The following ZNF670 variants were observed in gnomAD, a reference collection of about 807,000 sequenced individuals.
The protein encoded by ZNF670 is zinc finger protein 670.
In ZNF670, 7 loss-of-function variants were observed where a neutral mutation model predicts 10.9. The observed-to-expected ratio is 0.64, with a 90% CI of 0.36 to 1.20. ZNF670 has a LOEUF of 1.20. Among genes scored for constraint, ZNF670 ranks in the 50% most tolerant of loss-of-function variants. The pLI is 0.02. For missense variants in ZNF670, 446 were observed against 458.6 expected, an observed-to-expected ratio of 0.97 and a Z score of 0.25; for synonymous variants, 136 against 152.7, an observed-to-expected ratio of 0.89 and a Z score of 0.81.
chr1:247,042,854 C>T, intron 1 of ZNF670: 1 of 594,444 alleles, frequency 1.7e-6, no homozygotes, highest in Non-Finnish European at 3.1e-6. Flanking sequence ...GAGGCTCTTT[C>T]CCTATTCTCT....
In ZNF670 at chr1:247,037,341, T is replaced by C; in HGVS notation, c.*108A>G. The C allele has an allele frequency of 7.5e-7, 1 of 1,339,768 alleles. No individual in the cohort carries two copies. The allele number at this position is 1,339,768 out of a possible 1,614,324, so 83.0% of individuals were successfully genotyped here. A position where few individuals can be genotyped will look rare whatever the true frequency, so the allele number is the denominator to read the frequency against. On this transcript the variant is annotated 3_prime_UTR_variant, in exon 4 of 4. Coordinates refer to ENST00000366503, the MANE Select transcript of ZNF670 (RefSeq NM_033213.5). ...ATCTTCCTTACATGTGTTGGGTTTC[T>C]CTCTAATTTGAGTTTTTAATTTTTT...
chr1:247,038,073 A>C lies in ZNF670; in HGVS notation c.546T>G (p.Ser182Arg). 1.2e-6 allele frequency: 2 copies of C among 1,614,198 alleles called. No homozygotes were observed. The highest frequency in any genetic ancestry group is 1.7e-6 in the Non-Finnish European group (2 of 1,180,020). Reference sequence around the variant, plus strand: ...AAGTGCTCTGAGGCATTTGAAATACACTAGGAAAATCAAAAGGCTTCTCAT... The same window carrying C: ...AAGTGCTCTGAGGCATTTGAAATACCCTAGGAAAATCAAAAGGCTTCTCAT... ...PVYEKPFDFP[S>R]VFQMPQSTYT... The change falls in exon 4 of 4, where the codon AGT becomes AGG. Residue 182 changes from serine to arginine, a missense_variant. Physicochemically the swap from Ser to Arg is moderately radical, Grantham distance 110 (BLOSUM62 -1). Transcript: ENST00000366503.
intron 1 of ZNF670, among the ~76,000 whole-genome samples, chr1:247,040,736 G>A (rs139560463): frequency 2.0e-5 from 3 of 151,652 alleles, no homozygotes; most frequent in Admixed American, 6.6e-5. Context: ...CTTGTTGCCC[G>A]GGCTGGAGTG....
intron 1 of ZNF670, among the ~76,000 whole-genome samples, chr1:247,070,627 A>G (rs1013770225): frequency 6.6e-6 from 1 of 152,220 alleles, no homozygotes; most frequent in South Asian, 2.1e-4. Flanking sequence ...ACAAAAATAA[A>G]TAAGTGGGAC....
chr1:247,042,801 C>G, intron 1 of ZNF670: 1 of 495,986 alleles, frequency 2.0e-6, no homozygotes, highest in Non-Finnish European at 3.7e-6. Context: ...ATGAAAATGT[C>G]TGACCCCACC....
Position 247,037,999 on chromosome 1 carries a change from T to C in ZNF670, c.620A>G (p.Asn207Ser), listed in dbSNP as rs371336738. ...YKCKHCDKAFNYSSYLREHER... is the reference protein window; with the variant it reads ...YKCKHCDKAFSYSSYLREHER... ...ATGTTCACGAAGATAACTTGAATAA[T>C]TGAAGGCTTTATCACAATGTTTACA... The change falls in exon 4 of 4, where the codon AAT becomes AGT. Residue 207 changes from asparagine (N) to serine (S), a missense_variant. By Grantham distance (46) the Asn-to-Ser change is conservative. Transcript: ENST00000366503. The C allele has an allele frequency of 6.3e-5, 102 of 1,613,656 alleles. No individual in the cohort carries two copies. The highest frequency in any genetic ancestry group is 8.1e-5 in the Non-Finnish European group (95 of 1,179,798).
intron 1 of ZNF670, among the ~76,000 whole-genome samples, chr1:247,072,800 G>GATA (rs1671156681): frequency 4.8e-5 from 1 of 20,968 alleles, no homozygotes; most frequent in Non-Finnish European, 8.2e-5. Context: ...AAAAAAAAGT[G>GATA]TGTGTATATA....
rs1572554146 is a variant in ZNF670 at position 247,038,494 on chromosome 1, G to A, written c.192-67C>T. 9 of 1,458,812 alleles carry A rather than the reference G, an allele frequency of 6.2e-6. No individual in the cohort carries two copies. The East Asian group carries it at 9.2e-5, about 15-fold the overall frequency. The allele number at this position is 1,458,812 out of a possible 1,614,324, so 90.4% of individuals were successfully genotyped here. A position where few individuals can be genotyped will look rare whatever the true frequency, so the allele number is the denominator to read the frequency against. ...GGTTTACATTGCTACTAATACCATG[G>A]AAAATGCAAGTTTCCTGCCATATCT... is the stretch of plus-strand genomic sequence containing the variant. On this transcript the variant is annotated intron_variant, in intron 3 of 3. Transcript: ENST00000366503.
At chr1:247,061,183 A>ATTT (rs778969843) in intron 1 of ZNF670, among the ~76,000 whole-genome samples, 4,190 of 144,142 alleles carry the variant, frequency 0.029, 219 homozygotes, top group African/African-American at 0.1. Flanking sequence ...TTAAAAGTAA[A>ATTT]TTTTTTTTTT....
chr1:247,069,002 G>C (rs920528464), intron 1 of ZNF670, among the ~76,000 whole-genome samples: 2 of 150,602 alleles, frequency 1.3e-5, no homozygotes, highest in Admixed American at 6.6e-5. Flanking sequence ...TGGGCATAGA[G>C]AGTCGAAGGA....
At chr1:247,078,501 C>A in intron 1 of ZNF670, 93 bp downstream of exon 1, 1 of 1,530,536 alleles carries the variant, frequency 6.5e-7, no homozygotes, top group Non-Finnish European at 8.9e-7. Context: ...GGCGGAAACT[C>A]GGGTCGGCAC....
chr1:247,073,052 A>G (rs1478574052), intron 1 of ZNF670, among the ~76,000 whole-genome samples: 1 of 151,972 alleles, frequency 6.6e-6, no homozygotes, highest in East Asian at 1.9e-4. Context: ...GTTAGAAAAG[A>G]TCAGAACACC....
At chr1:247,074,430 A>G (rs1671205838) in intron 1 of ZNF670, among the ~76,000 whole-genome samples, 1 of 151,754 alleles carries the variant, frequency 6.6e-6, no homozygotes, top group Non-Finnish European at 1.5e-5. Context: ...GCTCCTTCCT[A>G]TGAAAGAAAG....
intron 3 of ZNF670, 41 bp from the exon 4 acceptor site, chr1:247,038,468 T>C (rs763825409): frequency 6.5e-7 from 1 of 1,543,418 alleles, no homozygotes; most frequent in Non-Finnish European, 8.7e-7. Context: ...CATTTATTCA[T>C]GGTTTACATT....
At chr1:247,053,366 C>T (rs1345441057) in intron 1 of ZNF670, among the ~76,000 whole-genome samples, 1 of 152,196 alleles carries the variant, frequency 6.6e-6, no homozygotes, top group Non-Finnish European at 1.5e-5. Flanking sequence ...GGCGCGGTGG[C>T]TCACGCCTGT....
At position 247,038,876 on chromosome 1, in the gene ZNF670, A is replaced by C; in HGVS notation, c.131-6T>G. The C allele has an allele frequency of 1.2e-6, 2 of 1,607,080 alleles. No homozygotes were observed. The highest frequency in any genetic ancestry group is 1.7e-6 in the Non-Finnish European group (2 of 1,174,682). Reference sequence around the variant, plus strand: ...CTGGTCTTCTGATTTGTTTCCTAAAAGGTACAACCATAAGATTATTCAAAT... The same window carrying C: ...CTGGTCTTCTGATTTGTTTCCTAAACGGTACAACCATAAGATTATTCAAAT... On this transcript the variant is annotated splice_polypyrimidine_tract_variant and splice_region_variant and intron_variant, in intron 2 of 3. Coordinates refer to ENST00000366503, the MANE Select transcript of ZNF670 (RefSeq NM_033213.5).
Position 247,038,390 on chromosome 1 carries a change from C to T in ZNF670, c.229G>A (p.Gly77Ser). The T allele has an allele frequency of 6.2e-7, 1 of 1,612,750 alleles. No homozygotes were observed. Among genetic ancestry groups the T allele is most frequent in the Non-Finnish European group, 8.5e-7 (1 of 1,179,638 alleles). ...VVERLFEIKE[G>S]SQYGETFSQD... ...CTGAAGGTTTCTCCATATTGACTGCCTTCTTTAATTTCAAACAGTCTCTCT... is the reference window on the plus strand; with the variant it reads ...CTGAAGGTTTCTCCATATTGACTGCTTTCTTTAATTTCAAACAGTCTCTCT... Residue 77 changes from glycine (G) to serine (S), a missense_variant, in exon 4 of 4, where the codon GGC becomes AGC. Gly to Ser is a moderately conservative substitution (Grantham distance 56, BLOSUM62 0). Transcript: ENST00000366503.
intron 1 of ZNF670, among the ~76,000 whole-genome samples, chr1:247,053,405 G>A (rs1292228289): frequency 2.0e-5 from 3 of 152,190 alleles, no homozygotes; most frequent in Non-Finnish European, 4.4e-5. Context: ...GGCCGAGGTA[G>A]GTGGATCACG....
chr1:247,037,416 A>C lies in ZNF670; in HGVS notation c.*33T>G. The C allele has an allele frequency of 6.5e-7, 1 of 1,549,498 alleles. No individual in the cohort carries two copies. Among genetic ancestry groups the C allele is most frequent in the Non-Finnish European group, 8.7e-7 (1 of 1,152,928 alleles). On this transcript the variant is annotated 3_prime_UTR_variant, in exon 4 of 4. Coordinates refer to ENST00000366503, the MANE Select transcript of ZNF670 (RefSeq NM_033213.5). ...AACTGAAAGCTTTAACACACTTCTTACATTGACAGAGGTGTTTTGTTGTTG... is the reference window on the plus strand; with the variant it reads ...AACTGAAAGCTTTAACACACTTCTTCCATTGACAGAGGTGTTTTGTTGTTG...
Sources: allele counts gnomAD v4.1 joint callset (sites outside exome capture counted in the v4.1 genomes callset), GRCh38; gene constraint gnomAD v4.1.1; transcripts MANE v1.5; gene names NCBI Gene and HGNC (gene_info 2026-07-23, HGNC 2026-07-21).